Variants in RBL2 observed in about 807,000 individuals in gnomAD.
RBL2 encodes retinoblastoma-like protein 2.
In RBL2, 56 loss-of-function variants were observed where a neutral mutation model predicts 126.0. The observed-to-expected ratio is 0.44, with a 90% CI of 0.36 to 0.56. The LOEUF is 0.56. Ranked by LOEUF, RBL2 falls within the 20% of genes least tolerant of loss-of-function variation. The pLI is 0.00. For synonymous variants in RBL2, 454 were observed against 478.5 expected (o/e 0.95, Z 0.67); for missense variants, 1,229 against 1,398.2 (o/e 0.88, Z 1.93).
At chr16:53,453,308 T>C (rs1598099600) in intron 5 of RBL2, 144 bp from the exon 6 acceptor site, 1 of 609,900 alleles carries the variant, frequency 1.6e-6, no homozygotes, top group East Asian at 3.0e-5. Flanking sequence ...ATTCTTAGCG[T>C]TGAAATAGGC....
At chr16:53,439,954 C>CAAAAAAA (rs10591959) in intron 2 of RBL2, among the ~76,000 whole-genome samples, 39 of 91,932 alleles carry the variant, frequency 4.2e-4, no homozygotes, top group African/African-American at 1.5e-3. Flanking sequence ...ACCTTGTCTC[C>CAAAAAAA]AAAAAAAAAA....
In RBL2 at chr16:53,439,141, G is replaced by A. The variant is rs763408689; in HGVS notation, c.366G>A (p.Glu122=). 6 of 1,592,554 alleles carry A rather than the reference G, an allele frequency of 3.8e-6. No homozygotes were observed. In the Admixed American group the frequency reaches 8.9e-5, roughly 24 times the overall value. Reference sequence around the variant, plus strand: ...TAACTAGAATCCTGAAATGTTCAGAGCAGAGGTAACTATGTTAGAGTTTGA... The same window carrying A: ...TAACTAGAATCCTGAAATGTTCAGAACAGAGGTAACTATGTTAGAGTTTGA... ...VSLTRILKCS[E]QSLIEFFNKM... The change falls in exon 2 of 22, where the codon GAG becomes GAA. Residue 122 remains glutamate (E), a synonymous_variant. Transcript: ENST00000262133.
chr16:53,467,109 T>A lies in RBL2; in HGVS notation c.1915T>A (p.Ser639Thr), dbSNP rs780326787. Reference protein sequence around the residue: ...ERADEICIAGSPLTPRRVTEV... With the variant: ...ERADEICIAGTPLTPRRVTEV... ...GGCAGATGAAATTTGCATTGCTGGC[T>A]CCCCTTTGACTCCCAGAAGGGTGAC... Residue 639 changes from serine to threonine, a missense_variant, in exon 14 of 22, where the codon TCC becomes ACC. Transcript: ENST00000262133. The A allele has an allele frequency of 1.1e-5, 17 of 1,613,928 alleles. No homozygotes were observed.
chr16:53,475,523 G>C (rs561134860), intron 17 of RBL2, among the ~76,000 whole-genome samples: 18 of 152,132 alleles, frequency 1.2e-4, no homozygotes, highest in Admixed American at 9.2e-4. Flanking sequence ...GCTTTTTGTA[G>C]TAGTTTGAGA....
At chr16:53,455,094 T>C (rs1286931428) in intron 8 of RBL2, among the ~76,000 whole-genome samples, 1 of 152,180 alleles carries the variant, frequency 6.6e-6, no homozygotes, top group African/African-American at 2.4e-5. Context: ...TGCTGATAAT[T>C]GTTGGTTTTA....
chr16:53,453,935 T>C (rs1479819911), intron 7 of RBL2, among the ~76,000 whole-genome samples, 166 bp downstream of exon 7: 1 of 152,240 alleles, frequency 6.6e-6, no homozygotes, highest in Non-Finnish European at 1.5e-5. Context: ...ACTTTTTAAA[T>C]GTGTTCAAAA....
intron 1 of RBL2, chr16:53,435,470 CCTG>C: frequency 1.3e-6 from 1 of 784,708 alleles, no homozygotes; most frequent in Admixed American, 3.8e-5. Flanking sequence ...GCACAGGACT[CCTG>C]TTGTTGTTGC....
Position 53,481,668 on chromosome 16 carries a change from C to T in RBL2, c.3085-3C>T. The T allele has an allele frequency of 6.5e-7, 1 of 1,549,462 alleles. No individual in the cohort carries two copies. Among genetic ancestry groups the T allele is most frequent in the Non-Finnish European group, 8.7e-7 (1 of 1,152,878 alleles). On this transcript the variant is annotated splice_region_variant and splice_polypyrimidine_tract_variant and intron_variant, in intron 20 of 21. Coordinates refer to ENST00000262133, the MANE Select transcript of RBL2 (RefSeq NM_005611.4). ...GAATTACTGATTTTTTTTTTTTAAACAGATGGATGCTCCTCCACTCTCTCC... is the reference window on the plus strand; with the variant it reads ...GAATTACTGATTTTTTTTTTTTAAATAGATGGATGCTCCTCCACTCTCTCC...
rs955363786 is a variant in RBL2, at chr16:53,435,569, A to G, written c.240+773A>G. 376 of 1,223,394 alleles carry G rather than the reference A, an allele frequency of 3.1e-4. 4 individuals are homozygous for G. The highest frequency in any genetic ancestry group is 2.6e-4 in the Non-Finnish European group (248 of 958,508). The allele number at this position is 1,223,394 out of a possible 1,614,324, so 75.8% of individuals were successfully genotyped here. A position where few individuals can be genotyped will look rare whatever the true frequency, so the allele number is the denominator to read the frequency against. ...TCTAGCCAGTGAGTGTCAGCTTTGT[A>G]TGCACCTCCCCTTCATGGGCCAATG... On this transcript the variant is annotated intron_variant, in intron 1 of 21. Coordinates refer to ENST00000262133, the MANE Select transcript of RBL2 (RefSeq NM_005611.4).
chr16:53,470,790 A>C lies in RBL2; in HGVS notation c.2571A>C (p.Lys857Asn). The change falls in exon 17 of 22, where the codon AAA becomes AAC. Residue 857 changes from lysine (K) to asparagine (N), a missense_variant. Lys to Asn is a moderately conservative substitution (Grantham distance 94). This residue lies in a region of RBL2 where 1,070 missense variants were observed against 1,274.3 expected (regional missense o/e 0.84). Coordinates refer to ENST00000262133, the MANE Select transcript of RBL2 (RefSeq NM_005611.4). ...TCCGCCTTCGGGATCTCTGTGCCAA[A>C]CTAGATATTTCAGATGAATTGAGGA... is the stretch of plus-strand genomic sequence containing the variant. ...AAVRLRDLCA[K>N]LDISDELRKK... 1.2e-6 allele frequency: 2 copies of C among 1,614,230 alleles called. No individual in the cohort carries two copies. Among genetic ancestry groups the C allele is most frequent in the Non-Finnish European group, 1.7e-6 (2 of 1,180,032 alleles).
chr16:53,481,920 C>CTAATGAGTGCCT, intron 21 of RBL2, 85 bp downstream of exon 21: 1 of 1,419,326 alleles, frequency 7.0e-7, no homozygotes, highest in Non-Finnish European at 9.8e-7. Context: ...CTTAGGCACT[C>CTAATGAGTGCCT]ATTAGAGTGA....
intron 21 of RBL2, among the ~76,000 whole-genome samples, chr16:53,485,207 G>A (rs1961118169): frequency 1.3e-5 from 2 of 152,032 alleles, no homozygotes. Flanking sequence ...ATGTTAAAAG[G>A]GTTGAAATAC....
intron 8 of RBL2, among the ~76,000 whole-genome samples, chr16:53,455,075 A>G (rs1271840426): frequency 6.6e-6 from 1 of 152,216 alleles, no homozygotes; most frequent in Non-Finnish European, 1.5e-5. Context: ...AATTTAAACA[A>G]ATGTGTCATG....
chr16:53,489,952 C>T (rs775996330), intron 21 of RBL2, 178 bp from the exon 22 acceptor site: 5 of 424,510 alleles, frequency 1.2e-5, no homozygotes, highest in East Asian at 3.6e-5. Flanking sequence ...AAATAGCCAT[C>T]GGCCTCAGCC....
intron 7 of RBL2, 56 bp from the exon 8 acceptor site, chr16:53,454,599 AT>A: frequency 1.4e-6 from 2 of 1,388,990 alleles, no homozygotes; most frequent in Non-Finnish European, 2.0e-6. Flanking sequence ...GAAATAATTA[AT>A]TGAAATGGCA....
At chr16:53,465,044 C>T (rs2058259973) in intron 12 of RBL2, among the ~76,000 whole-genome samples, 2 of 152,186 alleles carry the variant, frequency 1.3e-5, no homozygotes, top group African/African-American at 2.4e-5. Context: ...CTGCCCGCCA[C>T]GGCCCCCCAG....
chr16:53,470,714 TAAAC>T (rs773689633), intron 16 of RBL2, 28 bp from the exon 17 acceptor site: 9 of 1,612,334 alleles, frequency 5.6e-6, no homozygotes, highest in East Asian at 4.5e-5. Flanking sequence ...ATACAAGTGT[TAAAC>T]AAAGTTTGAA....
rs1335855673 is a variant in RBL2 at position 53,470,167 on chromosome 16, G to A, written c.2227G>A (p.Val743Ile). The change falls in exon 15 of 22, where the codon GTA (valine) becomes ATA (isoleucine). Residue 743 changes from valine (V) to isoleucine (I), a missense_variant. By Grantham distance (29) the Val-to-Ile change is conservative (BLOSUM62 3). This residue lies in a region of RBL2 where 1,070 missense variants were observed against 1,274.3 expected (regional missense o/e 0.84). Coordinates refer to ENST00000262133, the MANE Select transcript of RBL2 (RefSeq NM_005611.4). Reference sequence around the variant, plus strand: ...TGTCACAGCCAACAATGGGCAAACGGTAACCATTCCTGTGCAAGGTAAGGA... The same window carrying A: ...TGTCACAGCCAACAATGGGCAAACGATAACCATTCCTGTGCAAGGTAAGGA... ...ATVTANNGQT[V>I]TIPVQGIANE... 6 of 1,609,194 alleles carry A rather than the reference G, an allele frequency of 3.7e-6. No homozygotes were observed. Among genetic ancestry groups the A allele is most frequent in the Non-Finnish European group, 4.3e-6 (5 of 1,176,116 alleles).
intron 1 of RBL2, 102 bp from the exon 2 acceptor site, chr16:53,438,914 C>A (rs2057985699): frequency 7.8e-6 from 4 of 512,036 alleles, no homozygotes; most frequent in South Asian, 5.0e-5. Flanking sequence ...AAGTTTCCCA[C>A]AAAAATATAA....
Sources: gnomAD v4.1 joint callset for allele counts (sites outside exome capture counted in the v4.1 genomes callset) on GRCh38, gnomAD v4.1.1 for gene constraint, gnomAD v4.1.1 regional missense constraint, MANE v1.5 for transcripts, NCBI Gene and HGNC (gene_info 2026-07-23, HGNC 2026-07-21) for gene names.